Variants in FSTL5 observed in about 807,000 individuals in gnomAD.
FSTL5 encodes follistatin-related protein 5.
FSTL5 carries 62 observed loss-of-function variants against 89.1 expected under a neutral mutation model. The observed-to-expected ratio is 0.70, with a 90% confidence interval of 0.57 to 0.86. The LOEUF is 0.86. FSTL5 is among the 40% of genes least tolerant of loss of function. The pLI is 0.00. For synonymous variants in FSTL5, 383 were observed against 346.2 expected, an observed-to-expected ratio of 1.11 and a Z score of -1.18; for missense variants, 1,057 against 1,001.6, an observed-to-expected ratio of 1.06 and a Z score of -0.75.
intron 6 of FSTL5, among the ~76,000 whole-genome samples, chr4:161,665,760 C>G (rs1418712882): frequency 6.6e-6 from 1 of 151,916 alleles, no homozygotes; most frequent in African/African-American, 2.4e-5. Flanking sequence ...AATGAACATG[C>G]ATGCCTAGGA....
intron 6 of FSTL5, among the ~76,000 whole-genome samples, chr4:161,696,051 G>C (rs182160766): frequency 7.5e-4 from 114 of 152,192 alleles, no homozygotes; most frequent in African/African-American, 2.6e-3. Context: ...TGTCTAGAAG[G>C]GTTTTTCCAA....
In FSTL5 at chr4:161,384,528, T is replaced by C. The variant is rs1209852381; in HGVS notation, c.*1219A>G. The C allele has an allele frequency of 6.6e-6, 1 of 152,116 alleles. No individual in the cohort carries two copies. The highest frequency in any genetic ancestry group is 1.5e-5 in the Non-Finnish European group (1 of 67,990). 9.4% of individuals were successfully genotyped at this position (152,116 alleles called of 1,614,324 possible). On this transcript the variant is annotated 3_prime_UTR_variant, in exon 16 of 16. Transcript: ENST00000306100. ...ACAGTGTCTCAAGTAGGAGGATTCG[T>C]TAGGTTTCAAACTACAGCACATAGT...
intron 3 of FSTL5, among the ~76,000 whole-genome samples, chr4:161,927,865 A>C (rs1003677149): frequency 6.6e-6 from 1 of 151,690 alleles, no homozygotes; most frequent in Admixed American, 6.6e-5. Context: ...TGTTTTTTAG[A>C]GCAATATAAT....
intron 3 of FSTL5, among the ~76,000 whole-genome samples, chr4:161,967,010 G>A (rs1008279603): frequency 2.7e-5 from 4 of 150,358 alleles, no homozygotes; most frequent in African/African-American, 9.8e-5. Context: ...TCACAACTTA[G>A]ACATAACGAG....
At chr4:162,039,975 G>T (rs569238393) in intron 2 of FSTL5, among the ~76,000 whole-genome samples, 104 of 152,000 alleles carry the variant, frequency 6.8e-4, no homozygotes, top group Middle Eastern at 6.8e-3. Context: ...ATGAATAATA[G>T]TCAATAGATC....
intron 8 of FSTL5, among the ~76,000 whole-genome samples, chr4:161,577,649 G>T (rs554597513): frequency 2.8e-4 from 42 of 152,190 alleles, no homozygotes; most frequent in African/African-American, 9.9e-4. Context: ...GAGAAGAAAA[G>T]CATAAAGTAG....
At position 161,459,282 on chromosome 4, in the gene FSTL5, T is replaced by C. The variant is rs1460696694; in HGVS notation, c.1646A>G (p.Tyr549Cys). The C allele has an allele frequency of 3.7e-6, 6 of 1,613,264 alleles. No homozygotes were observed. Among genetic ancestry groups the C allele is most frequent in the South Asian group, 3.3e-5 (3 of 91,066 alleles). Residue 549 changes from tyrosine to cysteine, a missense_variant, in exon 14 of 16, where the codon TAT (tyrosine) becomes TGT (cysteine). Around this residue, in one of 3 missense-constraint regions of FSTL5, gnomAD observed 980 missense variants for 903.2 expected, o/e 1.08. Transcript: ENST00000306100. ...CCAGACCTGATCATGTGATTTGTCA[T>C]AGTGTAATTTAACTGGGACAGGGTC... ...STDPVPVKLHYDKSHDQVWVL... is the reference protein window; with the variant it reads ...STDPVPVKLHCDKSHDQVWVL...
chr4:161,605,493 T>C (rs1734407456), intron 7 of FSTL5, among the ~76,000 whole-genome samples: 1 of 152,192 alleles, frequency 6.6e-6, no homozygotes, highest in Non-Finnish European at 1.5e-5. Context: ...TACTTTTTTT[T>C]CCCAAAAACA....
chr4:161,648,904 A>C (rs1736241753), intron 7 of FSTL5, among the ~76,000 whole-genome samples: 1 of 152,212 alleles, frequency 6.6e-6, no homozygotes, highest in Non-Finnish European at 1.5e-5. Context: ...ATAACAGTAC[A>C]TTTTATGGAC....
chr4:161,613,487 A>G (rs1734727307), intron 7 of FSTL5, among the ~76,000 whole-genome samples: 1 of 152,020 alleles, frequency 6.6e-6, no homozygotes, highest in Non-Finnish European at 1.5e-5. Flanking sequence ...ATCATTTAAT[A>G]AGTACTCAAT....
At chr4:162,128,609 C>T (rs1210385825) in intron 1 of FSTL5, among the ~76,000 whole-genome samples, 1 of 152,128 alleles carries the variant, frequency 6.6e-6, no homozygotes, top group Non-Finnish European at 1.5e-5. Context: ...CAGCTTATGA[C>T]ATTTTGTTAT....
Position 161,621,827 on chromosome 4 carries a change from C to CAA in FSTL5, c.895-34254_895-34253dup, listed in dbSNP as rs58143952. Among the ~76,000 whole-genome samples, 515 of 90,338 alleles carry CAA rather than the reference C, an allele frequency of 5.7e-3. 4 individuals are homozygous for CAA. The highest frequency in any genetic ancestry group is 0.017 in the African/African-American group (410 of 23,602). 59.3% of individuals were successfully genotyped at this position (90,338 alleles called of 152,430 possible). ...TGAGACCCTGTCTCTTCTAAAAATA[C>CAA]AAAAAAAAAAAAAAAAAAAAAATAG... On this transcript the variant is annotated intron_variant, in intron 7 of 15. Transcript: ENST00000306100.
chr4:161,956,902 T>C (rs1336285123), intron 3 of FSTL5, among the ~76,000 whole-genome samples: 1 of 151,988 alleles, frequency 6.6e-6, no homozygotes, highest in Non-Finnish European at 1.5e-5. Context: ...GATGTGGTAC[T>C]ACCTTGCAAA....
intron 3 of FSTL5, among the ~76,000 whole-genome samples, chr4:161,981,929 C>G (rs947440887): frequency 6.6e-5 from 10 of 152,136 alleles, no homozygotes; most frequent in Admixed American, 5.9e-4. Context: ...TTAGTTACCT[C>G]AAATTAATCC....
At chr4:161,761,401 C>T (rs1177116448) in intron 5 of FSTL5, among the ~76,000 whole-genome samples, 3 of 152,226 alleles carry the variant, frequency 2.0e-5, no homozygotes, top group African/African-American at 7.2e-5. Context: ...GATTCTACCG[C>T]CCTATGCACT....
chr4:161,614,262 C>G (rs1726752292), intron 7 of FSTL5, among the ~76,000 whole-genome samples: 1 of 152,080 alleles, frequency 6.6e-6, no homozygotes, highest in South Asian at 2.1e-4. Context: ...AAAAAATTTT[C>G]AATCTTGTTC....
At chr4:161,795,467 A>T (rs1729605627) in intron 4 of FSTL5, among the ~76,000 whole-genome samples, 1 of 152,072 alleles carries the variant, frequency 6.6e-6, no homozygotes, top group Admixed American at 6.5e-5. Flanking sequence ...ATAAAATGAG[A>T]TTTTATTTCC....
intron 7 of FSTL5, among the ~76,000 whole-genome samples, chr4:161,621,283 C>A (rs898363080): frequency 2.3e-4 from 35 of 151,500 alleles, no homozygotes; most frequent in Non-Finnish European, 4.6e-4. Flanking sequence ...CACACACACA[C>A]ACACACACAC....
At chr4:162,146,811 G>T (rs1237700359) in intron 1 of FSTL5, among the ~76,000 whole-genome samples, 1 of 149,626 alleles carries the variant, frequency 6.7e-6, no homozygotes, top group Non-Finnish European at 1.5e-5. Context: ...GTGTGAGATG[G>T]AGTCTTGCTC....
Sources: gnomAD v4.1 joint callset for allele counts (sites outside exome capture counted in the v4.1 genomes callset) on GRCh38, gnomAD v4.1.1 for gene constraint, gnomAD v4.1.1 regional missense constraint, MANE v1.5 for transcripts, NCBI Gene and HGNC (gene_info 2026-07-23, HGNC 2026-07-21) for gene names.